The following CCDC171 variants were observed in gnomAD, a reference collection of about 807,000 sequenced individuals.
CCDC171 encodes coiled-coil domain containing 171.
Under a neutral mutation model 168.2 loss-of-function variants are expected in CCDC171, and 177 were observed. The observed-to-expected ratio is 1.05, with a 90% CI of 0.93 to 1.19. The LOEUF (loss-of-function observed/expected upper bound fraction) is 1.19, where lower values mean the gene tolerates loss of function less well. Ranked by LOEUF, CCDC171 falls within the 50% of genes most tolerant of loss-of-function variation. The pLI, the probability that CCDC171 is intolerant of heterozygous loss-of-function variation, is 0.00. For missense variants in CCDC171, 1,991 were observed against 1,539.0 expected, an observed-to-expected ratio of 1.29 and a Z score of -4.91; for synonymous variants, 687 against 540.8, an observed-to-expected ratio of 1.27 and a Z score of -3.75.
intron 11 of CCDC171, among the ~76,000 whole-genome samples, chr9:15,700,297 C>T (rs2051612101): frequency 6.6e-6 from 1 of 152,242 alleles, no homozygotes; most frequent in African/African-American, 2.4e-5. Flanking sequence ...CTAAGCCCCT[C>T]ATTGCCCGGG....
At chr9:15,589,641 C>A (rs1401723401) in intron 4 of CCDC171, among the ~76,000 whole-genome samples, 1 of 152,120 alleles carries the variant, frequency 6.6e-6, no homozygotes, top group East Asian at 1.9e-4. Context: ...ATTGAAATAC[C>A]TGCCTACAAT....
intron 24 of CCDC171, among the ~76,000 whole-genome samples, chr9:15,882,614 A>G (rs189545980): frequency 1.7e-4 from 26 of 152,266 alleles, no homozygotes; most frequent in Non-Finnish European, 2.1e-4. Flanking sequence ...TTTTAATTCA[A>G]TATCAGTATA....
At chr9:15,561,506 A>G (rs2039298325) in intron 1 of CCDC171, among the ~76,000 whole-genome samples, 1 of 152,194 alleles carries the variant, frequency 6.6e-6, no homozygotes, top group Non-Finnish European at 1.5e-5. Flanking sequence ...AAAGCTAGAA[A>G]TAAATACTCT....
chr9:15,971,592 T>C lies in CCDC171; in HGVS notation c.3754-17T>C. The C allele has an allele frequency of 6.4e-7, 1 of 1,571,780 alleles. No homozygotes were observed. Among genetic ancestry groups the C allele is most frequent in the Non-Finnish European group, 8.7e-7 (1 of 1,145,558 alleles). ...TTCAACTCTATGTTTATTATTTTTT[T>C]CTTTTGTATGTCACAGATAGGATCA... On this transcript the variant is annotated splice_polypyrimidine_tract_variant and intron_variant, in intron 25 of 25. Transcript: ENST00000380701.
At chr9:15,826,410 G>A (rs1011681061) in intron 21 of CCDC171, among the ~76,000 whole-genome samples, 1 of 151,846 alleles carries the variant, frequency 6.6e-6, no homozygotes, top group African/African-American at 2.4e-5. Context: ...AGTGCTTCTA[G>A]AACCTTGCTA....
intron 2 of CCDC171, among the ~76,000 whole-genome samples, chr9:15,565,516 T>G (rs1037295238): frequency 6.6e-6 from 1 of 152,170 alleles, no homozygotes; most frequent in Non-Finnish European, 1.5e-5. Flanking sequence ...TTACTTTTTA[T>G]AATTAGAGAA....
chr9:15,629,255 C>A (rs1023665294), intron 7 of CCDC171, among the ~76,000 whole-genome samples: 1 of 152,002 alleles, frequency 6.6e-6, no homozygotes, highest in Non-Finnish European at 1.5e-5. Flanking sequence ...GAAATTCAAA[C>A]CAAAGGCAAA....
rs547541496 is a variant in CCDC171 at position 15,576,067 on chromosome 9, C to T, written c.178-2782C>T. Among the ~76,000 whole-genome samples, 83 of 148,094 alleles carry T rather than the reference C, an allele frequency of 5.6e-4. 1 individual carries two copies. Among genetic ancestry groups the T allele is most frequent in the African/African-American group, 1.7e-3 (69 of 39,932 alleles). On this transcript the variant is annotated intron_variant, in intron 3 of 25. Coordinates refer to ENST00000380701, the MANE Select transcript of CCDC171 (RefSeq NM_173550.4). The stretch of plus-strand genomic sequence containing the variant: ...AGATCATGCCACTGTACTCCAGCTT[C>T]GGCAACAGAGCGAGACTCTGTCTCA...
intron 21 of CCDC171, among the ~76,000 whole-genome samples, chr9:15,814,667 CTAGA>C (rs2059492493): frequency 6.6e-6 from 1 of 151,656 alleles, no homozygotes; most frequent in African/African-American, 2.4e-5. Context: ...ATGAAACACA[CTAGA>C]TATTTTTATT....
intron 10 of CCDC171, among the ~76,000 whole-genome samples, chr9:15,685,608 C>T (rs1447918218): frequency 1.3e-5 from 2 of 151,962 alleles, no homozygotes; most frequent in African/African-American, 2.4e-5. Context: ...GCATGCTAGC[C>T]TGGGGCACAA....
rs1194637991 is a variant in CCDC171, at chr9:15,817,053, A to G, written c.3268-29649A>G. Among the ~76,000 whole-genome samples, 2 of 117,974 alleles carry G rather than the reference A, an allele frequency of 1.7e-5. 1 individual carries two copies. The highest frequency in any genetic ancestry group is 6.4e-5 in the African/African-American group (2 of 31,430). 77.4% of individuals were successfully genotyped at this position (117,974 alleles called of 152,430 possible). ...CCTTAAGGCTGTGGATGTTTTTCTC[A>G]GTTCTGGTGTTTTTCTGAGAGGATG... On this transcript the variant is annotated intron_variant, in intron 21 of 25. Coordinates refer to ENST00000380701, the MANE Select transcript of CCDC171 (RefSeq NM_173550.4).
At chr9:15,594,489 A>G (rs568742240) in intron 6 of CCDC171, among the ~76,000 whole-genome samples, 27 of 152,310 alleles carry the variant, frequency 1.8e-4, no homozygotes, top group Admixed American at 3.3e-4. Context: ...GAAATAGAAT[A>G]ATAGGATTCT....
intron 3 of CCDC171, among the ~76,000 whole-genome samples, chr9:15,980,850 G>C (rs556984443): frequency 7.8e-6 from 1 of 127,960 alleles, no homozygotes; most frequent in African/African-American, 2.9e-5. Flanking sequence ...GTATTAGTCC[G>C]TTTTCATACT....
the CCDC171 span, among the ~76,000 whole-genome samples, chr9:16,077,205 C>G: frequency 6.6e-6 from 1 of 152,036 alleles, no homozygotes; most frequent in Non-Finnish European, 1.5e-5. Flanking sequence ...GTCATGGAAT[C>G]TAGGGAGGAA....
chr9:15,778,013 A>T (rs1177354990), intron 19 of CCDC171, among the ~76,000 whole-genome samples, 187 bp downstream of exon 19: 1 of 152,194 alleles, frequency 6.6e-6, no homozygotes, highest in Non-Finnish European at 1.5e-5. Flanking sequence ...TACAAAAATC[A>T]CTGGCCGGGC....
intron 6 of CCDC171, among the ~76,000 whole-genome samples, chr9:15,603,346 C>T (rs1342913522): frequency 6.6e-6 from 1 of 152,072 alleles, no homozygotes; most frequent in African/African-American, 2.4e-5. Flanking sequence ...TCCTGTCAAC[C>T]CATCACCTAG....
At chr9:15,855,899 G>T (rs2061333082) in intron 23 of CCDC171, among the ~76,000 whole-genome samples, 1 of 151,860 alleles carries the variant, frequency 6.6e-6, no homozygotes, top group Non-Finnish European at 1.5e-5. Flanking sequence ...AGTTTATAAT[G>T]ATTGTTTTAT....
chr9:15,845,273 A>T (rs1273130016), intron 21 of CCDC171, among the ~76,000 whole-genome samples: 1 of 152,014 alleles, frequency 6.6e-6, no homozygotes, highest in Non-Finnish European at 1.5e-5. Context: ...TGAATCAGTG[A>T]CTATTTCTGT....
chr9:15,645,804 C>G (rs1208510988), intron 7 of CCDC171, among the ~76,000 whole-genome samples: 1 of 152,158 alleles, frequency 6.6e-6, no homozygotes, highest in Non-Finnish European at 1.5e-5. Flanking sequence ...GAGAATGGAA[C>G]CGAGTTGGAA....
Sources: allele counts gnomAD v4.1 joint callset (sites outside exome capture counted in the v4.1 genomes callset), GRCh38; gene constraint gnomAD v4.1.1; transcripts MANE v1.5; gene names NCBI Gene and HGNC (gene_info 2026-07-23, HGNC 2026-07-21).